The following RASGRP1 variants were observed in gnomAD, a reference collection of about 807,000 sequenced individuals.
The protein encoded by RASGRP1 is RAS guanyl-releasing protein 1.
Under a neutral mutation model 95.1 loss-of-function variants are expected in RASGRP1, and 37 were observed. The ratio of observed to expected loss-of-function variants is 0.39; its 90% confidence interval spans 0.30 to 0.51. The LOEUF (loss-of-function observed/expected upper bound fraction) is 0.51. Among genes scored for constraint, RASGRP1 ranks in the 20% least tolerant of loss-of-function variants. RASGRP1 has a pLI of 0.80. For synonymous variants in RASGRP1, 325 were observed against 353.4 expected (o/e 0.92, Z 0.90); for missense variants, 711 against 965.4 (o/e 0.74, Z 3.49).
Position 38,500,347 on chromosome 15 carries a change from T to G in RASGRP1, c.1684-208A>C, listed in dbSNP as rs1274966629. Among the ~76,000 whole-genome samples, 6 of 150,660 alleles carry G rather than the reference T, an allele frequency of 4.0e-5. No homozygotes were observed. The South Asian group carries it at 8.4e-4, about 21-fold the overall frequency. ...AGTTTCTCAAGAAGCAGGTTTTTTT[T>G]GTTTTGTTTTTTTTGAGACAGTCTT... On this transcript the variant is annotated intron_variant, in intron 13 of 16. Transcript: ENST00000310803.
Position 38,507,862 on chromosome 15 carries a change from A to C in RASGRP1, c.1106T>G (p.Met369Arg). Residue 369 changes from methionine to arginine, a missense_variant, in exon 9 of 17, where the codon ATG (methionine) becomes AGG (arginine). This residue lies in a region of RASGRP1 where 491 missense variants were observed against 676.6 expected (regional missense o/e 0.73). Coordinates refer to ENST00000310803, the MANE Select transcript of RASGRP1 (RefSeq NM_005739.4). ...LKDLISLYEA[M>R]PDYLEDGKVN... Reference sequence around the variant, plus strand: ...TTTCCCGTCCTCCAGATAGTCAGGCATGGCTTCATACAGGGAGATGAGGTC... The same window carrying C: ...TTTCCCGTCCTCCAGATAGTCAGGCCTGGCTTCATACAGGGAGATGAGGTC... 2.5e-6 allele frequency: 4 copies of C among 1,613,854 alleles called. No homozygotes were observed. The highest frequency in any genetic ancestry group is 1.6e-4 in the Middle Eastern group (1 of 6,062).
intron 8 of RASGRP1, among the ~76,000 whole-genome samples, chr15:38,509,553 C>A (rs1891412924): frequency 6.6e-6 from 1 of 152,076 alleles, no homozygotes; most frequent in Admixed American, 6.6e-5. Context: ...ATGGTGAAAC[C>A]CCGTCTCTAC....
At chr15:38,492,231 ACT>A (rs1166315154) in intron 16 of RASGRP1, among the ~76,000 whole-genome samples, 89 of 152,212 alleles carry the variant, frequency 5.8e-4, no homozygotes, top group African/African-American at 2.1e-3. Context: ...CTTAACAATA[ACT>A]CTGAGCAAGA....
intron 2 of RASGRP1, among the ~76,000 whole-genome samples, chr15:38,545,549 T>C (rs1163066091): frequency 1.3e-5 from 2 of 152,090 alleles, no homozygotes; most frequent in African/African-American, 2.4e-5. Context: ...TTTTTTTTTT[T>C]CACTGAACTT....
chr15:38,493,268 C>CCCGGGTT (rs1451277578), intron 16 of RASGRP1, among the ~76,000 whole-genome samples: 1 of 150,276 alleles, frequency 6.7e-6, no homozygotes, highest in Non-Finnish European at 1.5e-5. Context: ...ACCTCCACCT[C>CCCGGGTT]CCGGGTTCAA....
intron 8 of RASGRP1, among the ~76,000 whole-genome samples, chr15:38,510,218 A>G (rs1433613291): frequency 2.0e-5 from 3 of 152,246 alleles, no homozygotes; most frequent in African/African-American, 7.2e-5. Flanking sequence ...CAAGCTGAAG[A>G]GGAGCAAGCT....
intron 1 of RASGRP1, among the ~76,000 whole-genome samples, chr15:38,563,433 C>G (rs1893893296): frequency 6.6e-6 from 1 of 152,170 alleles, no homozygotes; most frequent in Non-Finnish European, 1.5e-5. Flanking sequence ...AAACTCTAAA[C>G]TGGTTTAGGT....
intron 16 of RASGRP1, among the ~76,000 whole-genome samples, chr15:38,492,462 T>G (rs1443904066): frequency 6.6e-6 from 1 of 152,210 alleles, no homozygotes; most frequent in Non-Finnish European, 1.5e-5. Context: ...TTTTTCAGTC[T>G]GTAGAATGTA....
At chr15:38,502,963 T>C (rs1374513849) in intron 11 of RASGRP1, 2 of 403,280 alleles carry the variant, frequency 5.0e-6, no homozygotes, top group African/African-American at 4.0e-5. Context: ...GTTTTAGGTT[T>C]ACCTGATTAC....
Position 38,505,934 on chromosome 15 carries a change from C to T in RASGRP1, c.1243-14G>A. 6.3e-7 allele frequency: 1 copy of T among 1,590,166 alleles called. No individual in the cohort carries two copies. Among genetic ancestry groups the T allele is most frequent in the Non-Finnish European group, 8.6e-7 (1 of 1,162,188 alleles). ...ATCCAGGGATAACTGCAGATCAAAG[C>T]AGAACAGGGTTCATTGCTAAGATGC... is the stretch of plus-strand genomic sequence containing the variant. On this transcript the variant is annotated splice_polypyrimidine_tract_variant and intron_variant, in intron 9 of 16. Coordinates refer to ENST00000310803, the MANE Select transcript of RASGRP1 (RefSeq NM_005739.4).
intron 1 of RASGRP1, 30 bp downstream of exon 1, chr15:38,564,564 C>T: frequency 5.9e-6 from 8 of 1,363,796 alleles, no homozygotes; most frequent in Non-Finnish European, 7.6e-6. Context: ...GACACAGGCG[C>T]TCCCGAGGGC....
intron 2 of RASGRP1, among the ~76,000 whole-genome samples, chr15:38,532,333 C>A (rs1247745242): frequency 6.6e-6 from 1 of 152,184 alleles, no homozygotes; most frequent in African/African-American, 2.4e-5. Context: ...CAGTGGGGTA[C>A]ACAATGTTGA....
intron 14 of RASGRP1, chr15:38,499,195 A>G: frequency 1.6e-6 from 1 of 637,250 alleles, no homozygotes; most frequent in South Asian, 1.5e-5. Context: ...CTTGGAGGGA[A>G]GAGATGGTGT....
Position 38,526,322 on chromosome 15 carries a change from T to G in RASGRP1, c.303A>C (p.Glu101Asp). ...TMHRIVISSA[E>D]LLQKVITLYK... ...ATAGGGTGATAACTTTTTGGAGCAGTTCTGCAGAGGAGATGACAATTCGGT... is the reference window on the plus strand; with the variant it reads ...ATAGGGTGATAACTTTTTGGAGCAGGTCTGCAGAGGAGATGACAATTCGGT... Residue 101 changes from glutamate to aspartate, a missense_variant, in exon 3 of 17, where the codon GAA (glutamate) becomes GAC (aspartate). By Grantham distance (45) the Glu-to-Asp change is conservative. Transcript: ENST00000310803. 6.2e-7 allele frequency: 1 copy of G among 1,613,230 alleles called. No individual in the cohort carries two copies. Among genetic ancestry groups the G allele is most frequent in the Non-Finnish European group, 8.5e-7 (1 of 1,179,346 alleles).
At chr15:38,553,152 T>G (rs900927727) in intron 2 of RASGRP1, among the ~76,000 whole-genome samples, 2 of 152,222 alleles carry the variant, frequency 1.3e-5, no homozygotes, top group East Asian at 1.9e-4. Context: ...CCCGTTCTTT[T>G]CCTTCCAGCC....
At chr15:38,522,410 G>T (rs1241557927) in intron 3 of RASGRP1, among the ~76,000 whole-genome samples, 1 of 152,056 alleles carries the variant, frequency 6.6e-6, no homozygotes, top group Non-Finnish European at 1.5e-5. Context: ...CTGAAGTTTA[G>T]GTAGATACAT....
At chr15:38,560,403 A>G (rs913761771) in intron 1 of RASGRP1, 3 of 259,076 alleles carry the variant, frequency 1.2e-5, no homozygotes, top group Admixed American at 5.1e-5. Flanking sequence ...TAACTTTGGC[A>G]GGGCATGGTG....
At position 38,524,573 on chromosome 15, in the gene RASGRP1, T is replaced by C. The variant is rs554576433; in HGVS notation, c.326+1726A>G. ...AAGGATGAGAAAAAGCCATTGGGCTTTGCAATCAGGAGGTTACTGGTGACA... is the reference window on the plus strand; with the variant it reads ...AAGGATGAGAAAAAGCCATTGGGCTCTGCAATCAGGAGGTTACTGGTGACA... On this transcript the variant is annotated intron_variant, in intron 3 of 16. Transcript: ENST00000310803. The C allele has an allele frequency of 3.9e-5, 6 of 152,342 alleles. No individual in the cohort carries two copies. The East Asian group carries it at 1.2e-3, about 29-fold the overall frequency. 9.4% of individuals were successfully genotyped at this position (152,342 alleles called of 1,614,324 possible).
chr15:38,564,504 C>T, intron 1 of RASGRP1, 90 bp downstream of exon 1: 1 of 1,192,110 alleles, frequency 8.4e-7, no homozygotes, highest in Non-Finnish European at 1.1e-6. Context: ...CCGCCCTCAA[C>T]TTCCCTCGGG....
Sources: gnomAD v4.1 joint callset for allele counts (sites outside exome capture counted in the v4.1 genomes callset) on GRCh38, gnomAD v4.1.1 for gene constraint, gnomAD v4.1.1 regional missense constraint, MANE v1.5 for transcripts, NCBI Gene and HGNC (gene_info 2026-07-23, HGNC 2026-07-21) for gene names.